Variants in TGFBR2 observed in about 807,000 individuals in gnomAD.
The protein encoded by TGFBR2 is TGF-beta receptor type-2.
Under a neutral mutation model 49.0 loss-of-function variants are expected in TGFBR2, and 18 were observed. The observed-to-expected ratio is 0.37, with a 90% CI of 0.25 to 0.54. The LOEUF (loss-of-function observed/expected upper bound fraction) is 0.54, where lower values mean the gene tolerates loss of function less well. Among genes scored for constraint, TGFBR2 ranks in the 20% least tolerant of loss-of-function variants. The pLI is 0.85. For synonymous variants in TGFBR2, 282 were observed against 275.9 expected, an observed-to-expected ratio of 1.02 and a Z score of -0.22; for missense variants, 525 against 722.6, an observed-to-expected ratio of 0.73 and a Z score of 3.13.
In TGFBR2 at chr3:30,671,873, G is replaced by C; in HGVS notation, c.690G>C (p.Thr230=). The C allele has an allele frequency of 6.2e-7, 1 of 1,614,184 alleles. No individual in the cohort carries two copies. The change falls in exon 4 of 7, where the codon ACG becomes ACC. Residue 230 remains threonine (T), a synonymous_variant. Coordinates refer to ENST00000295754, the MANE Select transcript of TGFBR2 (RefSeq NM_003242.6). ...ATGACCGCTCTGACATCAGCTCCAC[G>C]TGTGCCAACAACATCAACCACAACA... ...LEDDRSDISS[T]CANNINHNTE... is the part of the protein sequence containing the mutation.
chr3:30,687,840 C>T (rs1397714581), intron 5 of TGFBR2, among the ~76,000 whole-genome samples: 1 of 152,148 alleles, frequency 6.6e-6, no homozygotes, highest in African/African-American at 2.4e-5. Flanking sequence ...CAATATTTGT[C>T]CTTTTGTGTC....
At chr3:30,666,528 G>A (rs984448719) in intron 3 of TGFBR2, among the ~76,000 whole-genome samples, 4 of 151,952 alleles carry the variant, frequency 2.6e-5, no homozygotes, top group East Asian at 1.9e-4. Context: ...AATGTCAGTC[G>A]GTGGATGGCT....
In TGFBR2 at chr3:30,691,208, G is replaced by C. The variant is rs9831664; in HGVS notation, c.1525-212G>C. 0.058 allele frequency among the ~76,000 whole-genome samples: 8,849 copies of C among 152,210 alleles called. 851 individuals are homozygous for C. Among genetic ancestry groups the C allele is most frequent in the African/African-American group, 0.2 (8,252 of 41,500 alleles). On this transcript the variant is annotated intron_variant, in intron 6 of 6. Transcript: ENST00000295754. Reference sequence around the variant, plus strand: ...AGAGCCAAAAAGTATGGTAGGTTTTGAGCACAGCTGCCACCAGCACAAACC... The same window carrying C: ...AGAGCCAAAAAGTATGGTAGGTTTTCAGCACAGCTGCCACCAGCACAAACC...
intron 5 of TGFBR2, among the ~76,000 whole-genome samples, chr3:30,681,205 G>A (rs933587433): frequency 6.6e-6 from 1 of 150,672 alleles, no homozygotes; most frequent in Non-Finnish European, 1.5e-5. Flanking sequence ...AAAAAGAAAG[G>A]GAAGGGGCTG....
At chr3:30,617,863 AG>A (rs1281837093) in intron 1 of TGFBR2, among the ~76,000 whole-genome samples, 1 of 152,232 alleles carries the variant, frequency 6.6e-6, no homozygotes, top group Non-Finnish European at 1.5e-5. Flanking sequence ...CAAGGTCCCC[AG>A]GTGATTCCTG....
chr3:30,674,040 A>G, intron 4 of TGFBR2, 65 bp from the exon 5 acceptor site: 2 of 1,605,146 alleles, frequency 1.2e-6, no homozygotes, highest in Non-Finnish European at 1.7e-6. Context: ...ACCATCAGCT[A>G]TATTGTGAAA....
At chr3:30,607,014 G>C in intron 1 of TGFBR2, 37 bp downstream of exon 1, 1 of 1,537,758 alleles carries the variant, frequency 6.5e-7, no homozygotes, top group Non-Finnish European at 8.8e-7. Flanking sequence ...CGGGGCGCCG[G>C]GGGTCTTCCT....
At chr3:30,637,040 G>A (rs1468645358) in intron 1 of TGFBR2, among the ~76,000 whole-genome samples, 2 of 150,868 alleles carry the variant, frequency 1.3e-5, no homozygotes, top group African/African-American at 4.9e-5. Context: ...CTCCAGCCTG[G>A]GTGACAGAGC....
intron 6 of TGFBR2, among the ~76,000 whole-genome samples, 179 bp downstream of exon 6, chr3:30,688,690 T>C (rs1388947364): frequency 1.3e-5 from 2 of 152,224 alleles, no homozygotes; most frequent in African/African-American, 4.8e-5. Flanking sequence ...TATTATAGGC[T>C]CCAACCAGCT....
chr3:30,657,116 C>T (rs1383245920), intron 3 of TGFBR2, among the ~76,000 whole-genome samples: 1 of 152,206 alleles, frequency 6.6e-6, no homozygotes, highest in African/African-American at 2.4e-5. Context: ...GTTTGTTCCT[C>T]ACTTTTTGTC....
intron 2 of TGFBR2, among the ~76,000 whole-genome samples, chr3:30,648,142 T>A (rs1427792037): frequency 6.6e-6 from 1 of 152,208 alleles, no homozygotes; most frequent in African/African-American, 2.4e-5. Context: ...AAAAGTTAGC[T>A]GTGCCTGGCT....
At chr3:30,647,602 A>C (rs961947023) in intron 2 of TGFBR2, among the ~76,000 whole-genome samples, 3 of 151,974 alleles carry the variant, frequency 2.0e-5, no homozygotes, top group Admixed American at 2.0e-4. Flanking sequence ...AACTAATGTC[A>C]GTTGTGTGCC....
intron 1 of TGFBR2, among the ~76,000 whole-genome samples, chr3:30,637,857 C>T (rs1460831185): frequency 2.0e-5 from 3 of 152,100 alleles, no homozygotes; most frequent in East Asian, 3.9e-4. Context: ...TTTTTAGAAG[C>T]GAAAGTGCGA....
chr3:30,617,247 A>G (rs1276715290), intron 1 of TGFBR2, among the ~76,000 whole-genome samples: 2 of 152,196 alleles, frequency 1.3e-5, no homozygotes, highest in African/African-American at 2.4e-5. Context: ...CGCAACCTCT[A>G]ATTGCATTTC....
intron 3 of TGFBR2, among the ~76,000 whole-genome samples, chr3:30,663,046 C>T (rs1294811068): frequency 1.3e-5 from 2 of 152,162 alleles, no homozygotes; most frequent in African/African-American, 4.8e-5. Flanking sequence ...TCTGCGGGCA[C>T]ACTTAGAATA....
At chr3:30,615,745 A>AT (rs1363896536) in intron 1 of TGFBR2, among the ~76,000 whole-genome samples, 7 of 102,652 alleles carry the variant, frequency 6.8e-5, no homozygotes, top group African/African-American at 2.7e-4. Context: ...TACTATTTAA[A>AT]ATTTTTTTTC....
chr3:30,618,756 C>T (rs1317922464), intron 1 of TGFBR2, among the ~76,000 whole-genome samples: 1 of 152,198 alleles, frequency 6.6e-6, no homozygotes, highest in African/African-American at 2.4e-5. Context: ...TACTCTTCAA[C>T]ATTTTTTAAT....
Position 30,672,139 on chromosome 3 carries a change from A to C in TGFBR2, c.956A>C (p.Lys319Thr). 6.2e-7 allele frequency: 1 copy of C among 1,614,158 alleles called. No homozygotes were observed. The highest frequency in any genetic ancestry group is 8.5e-7 in the Non-Finnish European group (1 of 1,180,016). Residue 319 changes from lysine (K) to threonine (T), a missense_variant, in exon 4 of 7, where the codon AAA (lysine) becomes ACA (threonine). By Grantham distance (78) the Lys-to-Thr change is moderately conservative (BLOSUM62 -1). Around this residue, in one of 3 missense-constraint regions of TGFBR2, gnomAD observed 376 missense variants for 478.2 expected, o/e 0.79. Transcript: ENST00000295754. The surrounding 1 kb of genome is among the most constrained non-coding windows in gnomAD (Gnocchi z 4.5). Reference sequence around the variant, plus strand: ...GAGGAGCGGAAGACGGAGTTGGGGAAACAATACTGGCTGATCACCGCCTTC... The same window carrying C: ...GAGGAGCGGAAGACGGAGTTGGGGACACAATACTGGCTGATCACCGCCTTC... Reference protein sequence around the residue: ...TAEERKTELGKQYWLITAFHA... With the variant: ...TAEERKTELGTQYWLITAFHA...
At chr3:30,609,639 CTGAAA>C (rs1339629044) in intron 1 of TGFBR2, among the ~76,000 whole-genome samples, 12 of 152,146 alleles carry the variant, frequency 7.9e-5, no homozygotes, top group African/African-American at 2.9e-4. Context: ...CTCTTCAGGT[CTGAAA>C]AATATGACTT....
Sources: allele counts gnomAD v4.1 joint callset (sites outside exome capture counted in the v4.1 genomes callset), GRCh38; gene constraint gnomAD v4.1.1; regional missense constraint gnomAD v4.1.1; non-coding constraint Gnocchi (gnomAD v3.1); transcripts MANE v1.5; gene names NCBI Gene and HGNC (gene_info 2026-07-23, HGNC 2026-07-21).